MAGI2: variants seen among roughly 807,000 people sequenced by gnomAD.
MAGI2 encodes membrane associated guanylate kinase, WW and PDZ domain containing 2, also known as membrane-associated guanylate kinase, WW and PDZ domain-containing protein 2.
A neutral mutation model predicts 133.3 loss-of-function variants in MAGI2; 35 were observed. The observed-to-expected ratio is 0.26, with a 90% CI of 0.20 to 0.35. The LOEUF (loss-of-function observed/expected upper bound fraction) is 0.35, where lower values mean the gene tolerates loss of function less well. MAGI2 is among the 10% of genes least tolerant of loss of function. The pLI, the probability that MAGI2 is intolerant of heterozygous loss-of-function variation, is 1.00. For synonymous variants in MAGI2, 729 were observed against 710.6 expected, an observed-to-expected ratio of 1.03 and a Z score of -0.41; for missense variants, 1,636 against 1,863.4, an observed-to-expected ratio of 0.88 and a Z score of 2.25.
intron 1 of MAGI2, among the ~76,000 whole-genome samples, chr7:79,185,235 C>G (rs1404170157): frequency 1.3e-5 from 2 of 151,830 alleles, no homozygotes; most frequent in Non-Finnish European, 2.9e-5. Flanking sequence ...ATCCAAACTC[C>G]ATTGGTATCT....
intron 6 of MAGI2, among the ~76,000 whole-genome samples, chr7:78,464,855 A>C (rs1276522046): frequency 6.6e-6 from 1 of 152,086 alleles, no homozygotes; most frequent in Non-Finnish European, 1.5e-5. Flanking sequence ...GCTTTAAGAA[A>C]TGCTTGATGA....
chr7:78,939,818 C>T (rs765451000), intron 2 of MAGI2: 3 of 152,128 alleles, frequency 2.0e-5, no homozygotes, highest in Middle Eastern at 3.4e-3. Flanking sequence ...GTTGCGACAA[C>T]GTAAAGCAAA....
intron 2 of MAGI2, among the ~76,000 whole-genome samples, chr7:78,724,692 T>C (rs1182675778): frequency 6.6e-6 from 1 of 152,204 alleles, no homozygotes; most frequent in African/African-American, 2.4e-5. Flanking sequence ...TTTCCTAGCA[T>C]GTAGCATGTC....
intron 2 of MAGI2, among the ~76,000 whole-genome samples, chr7:79,001,849 A>G (rs1029857239): frequency 2.6e-5 from 4 of 152,164 alleles, no homozygotes; most frequent in African/African-American, 9.7e-5. Context: ...CTGTTTAATC[A>G]TCTCTAAATA....
rs772033035 is a variant in MAGI2 at position 78,345,934 on chromosome 7, G to C, written c.1213C>G (p.Pro405Ala). 3.7e-6 allele frequency: 6 copies of C among 1,614,052 alleles called. No individual in the cohort carries two copies. The highest frequency in any genetic ancestry group is 1.6e-4 in the Middle Eastern group (1 of 6,062). The change falls in exon 8 of 22, where the codon CCA becomes GCA. Residue 405 changes from proline (P) to alanine (A), a missense_variant. Pro to Ala is a conservative substitution (Grantham distance 27). Coordinates refer to ENST00000354212, the MANE Select transcript of MAGI2 (RefSeq NM_012301.4). ...ACAGGTATCATACCTCGGAAACCTG[G>C]GGCCTGCAGGGGCTTTGTTCCAAGT... is the stretch of plus-strand genomic sequence containing the variant. Reference protein sequence around the residue: ...TELGTKPLQAPGFREKPLFTR... With the variant: ...TELGTKPLQAAGFREKPLFTR...
intron 20 of MAGI2, among the ~76,000 whole-genome samples, chr7:78,082,492 C>T (rs755842278): frequency 3.5e-4 from 53 of 152,234 alleles, no homozygotes; most frequent in African/African-American, 1.0e-3. Context: ...TCCATAATTT[C>T]GGCTTTCCAT....
At chr7:78,078,800 GT>G (rs1563092799) in intron 21 of MAGI2, 146 bp downstream of exon 21, 1 of 759,444 alleles carries the variant, frequency 1.3e-6, no homozygotes, top group Non-Finnish European at 2.2e-6. Context: ...GTGTGTGTGT[GT>G]GTGTGTGTGT....
intron 3 of MAGI2, among the ~76,000 whole-genome samples, chr7:78,542,122 A>G (rs992587344): frequency 3.3e-5 from 5 of 152,226 alleles, no homozygotes; most frequent in Non-Finnish European, 5.9e-5. Flanking sequence ...TTTGAATTTC[A>G]TGTGATTTCT....
intron 21 of MAGI2, among the ~76,000 whole-genome samples, chr7:78,053,002 C>T (rs752825059): frequency 5.3e-5 from 8 of 152,044 alleles, no homozygotes; most frequent in African/African-American, 1.2e-4. Flanking sequence ...ATATTTATAT[C>T]ATGGAAAAGT....
chr7:79,093,175 T>TAA (rs879816262), intron 1 of MAGI2, among the ~76,000 whole-genome samples: 1 of 142,300 alleles, frequency 7.0e-6, no homozygotes, highest in African/African-American at 2.6e-5. Flanking sequence ...TCAGCTCTAT[T>TAA]AAAAAAAAAA....
intron 9 of MAGI2, among the ~76,000 whole-genome samples, chr7:78,269,474 T>C (rs1436235032): frequency 1.3e-5 from 2 of 152,220 alleles, no homozygotes; most frequent in African/African-American, 4.8e-5. Flanking sequence ...ATGATTGCCA[T>C]TCTAACTGGC....
intron 21 of MAGI2, among the ~76,000 whole-genome samples, chr7:78,067,684 A>T (rs1288724120): frequency 6.6e-6 from 1 of 152,240 alleles, no homozygotes. Flanking sequence ...TCTTAAGTTT[A>T]GAGATTTTGT....
intron 6 of MAGI2, among the ~76,000 whole-genome samples, chr7:78,459,152 T>C (rs1789686382): frequency 6.6e-6 from 1 of 152,244 alleles, no homozygotes; most frequent in African/African-American, 2.4e-5. Context: ...TGTCAATCCA[T>C]GTTTAACAAA....
At chr7:78,791,225 A>G (rs1827216658) in intron 2 of MAGI2, among the ~76,000 whole-genome samples, 2 of 152,300 alleles carry the variant, frequency 1.3e-5, no homozygotes, top group African/African-American at 4.8e-5. Context: ...CAAAAAGAAA[A>G]AGAGAGAGAG....
chr7:79,248,447 T>A (rs1007631896), intron 1 of MAGI2, among the ~76,000 whole-genome samples: 1 of 152,172 alleles, frequency 6.6e-6, no homozygotes, highest in African/African-American at 2.4e-5. Context: ...ATTTTCAGCA[T>A]TGGACAGATC....
chr7:79,356,648 T>G (rs946266880), intron 1 of MAGI2, among the ~76,000 whole-genome samples: 5 of 152,150 alleles, frequency 3.3e-5, no homozygotes, highest in African/African-American at 1.2e-4. Context: ...TTAAACAATT[T>G]CTGATGAAAG....
intron 1 of MAGI2, among the ~76,000 whole-genome samples, chr7:79,279,888 A>C (rs1835499058): frequency 6.6e-6 from 1 of 152,234 alleles, no homozygotes; most frequent in Non-Finnish European, 1.5e-5. Context: ...GCAGTGATTT[A>C]AGCTTTACTA....
intron 7 of MAGI2, among the ~76,000 whole-genome samples, chr7:78,360,569 G>A (rs929634565): frequency 5.9e-5 from 9 of 152,226 alleles, no homozygotes; most frequent in African/African-American, 2.2e-4. Context: ...TGAGCTAACT[G>A]TTTCACAAAT....
At chr7:79,254,917 A>T (rs949772541) in intron 1 of MAGI2, among the ~76,000 whole-genome samples, 2 of 152,200 alleles carry the variant, frequency 1.3e-5, no homozygotes, top group African/African-American at 4.8e-5. Flanking sequence ...TTGAAATTCC[A>T]TAGAAGTTCA....
Sources: allele counts gnomAD v4.1 joint callset (sites outside exome capture counted in the v4.1 genomes callset), GRCh38; gene constraint gnomAD v4.1.1; transcripts MANE v1.5; gene names NCBI Gene and HGNC (gene_info 2026-07-23, HGNC 2026-07-21).